The following ZPBP variants were observed in gnomAD, a reference collection of about 807,000 sequenced individuals.
ZPBP encodes the protein zona pellucida-binding protein 1.
ZPBP carries 26 observed loss-of-function variants against 44.8 expected under a neutral mutation model. The observed-to-expected ratio is 0.58, with a 90% CI of 0.43 to 0.81. The LOEUF (loss-of-function observed/expected upper bound fraction) is 0.81. ZPBP is among the 30% of genes least tolerant of loss of function. The probability of loss-of-function intolerance (pLI) is 0.00; values close to 1 mark genes in which losing one functional copy is unlikely to be tolerated. For synonymous variants in ZPBP, 174 were observed against 153.2 expected, an observed-to-expected ratio of 1.14 and a Z score of -1.00; for missense variants, 409 against 434.0, an observed-to-expected ratio of 0.94 and a Z score of 0.51.
intron 6 of ZPBP, among the ~76,000 whole-genome samples, chr7:50,007,807 T>G (rs1056165750): frequency 1.3e-5 from 2 of 151,976 alleles, no homozygotes; most frequent in African/African-American, 2.4e-5. Flanking sequence ...AGGTATTTTT[T>G]AAAAATTAAT....
At chr7:49,967,514 C>A (rs1194488213) in intron 7 of ZPBP, among the ~76,000 whole-genome samples, 4 of 151,906 alleles carry the variant, frequency 2.6e-5, no homozygotes, top group Non-Finnish European at 5.9e-5. Context: ...GTTAATGCTG[C>A]AATGGGATGA....
At chr7:49,865,541 A>T (rs1164897674) in intron 2 of ZPBP, among the ~76,000 whole-genome samples, 1 of 152,202 alleles carries the variant, frequency 6.6e-6, no homozygotes, top group East Asian at 1.9e-4. Flanking sequence ...CCTTCCCATA[A>T]GCTAACTCAT....
At chr7:49,954,263 C>T (rs954271980) in intron 7 of ZPBP, among the ~76,000 whole-genome samples, 1 of 151,922 alleles carries the variant, frequency 6.6e-6, no homozygotes, top group African/African-American at 2.4e-5. Context: ...GAAGTTGAAC[C>T]CCTACTTCAT....
rs532439192 is a variant in ZPBP at position 49,893,871 on chromosome 7, A to T, written n.509+7247T>A. ...GTAAAGTTTGGAATACTTGGGAATTATCTGTTGTTTAATTTCAGAAAATGG... is the reference window on the plus strand; with the variant it reads ...GTAAAGTTTGGAATACTTGGGAATTTTCTGTTGTTTAATTTCAGAAAATGG... On this transcript the variant is annotated intron_variant and non_coding_transcript_variant, in intron 2 of 2. Transcript: ENST00000465922. Among the ~76,000 whole-genome samples the T allele has an allele frequency of 2.1e-4, 32 of 152,308 alleles. No homozygotes were observed. In the East Asian group the frequency reaches 5.8e-3, roughly 28 times the overall value.
chr7:49,888,906 C>T (rs1360687365), intron 2 of ZPBP, among the ~76,000 whole-genome samples: 1 of 151,418 alleles, frequency 6.6e-6, no homozygotes, highest in Non-Finnish European at 1.5e-5. Context: ...AGCGAGACTT[C>T]ATCTCAAAAA....
intron 5 of ZPBP, among the ~76,000 whole-genome samples, chr7:50,028,658 T>A (rs536841805): frequency 9.2e-4 from 136 of 148,050 alleles, no homozygotes; most frequent in South Asian, 3.4e-3. Context: ...CAATCCATTT[T>A]AAAAAAAAAA....
At chr7:50,082,273 A>G (rs7459268) in intron 2 of ZPBP, among the ~76,000 whole-genome samples, 118,607 of 151,658 alleles carry the variant, frequency 0.78, 46,450 homozygotes, top group East Asian at 0.88. Flanking sequence ...GACACCAAAC[A>G]TGATTAGAGC....
chr7:49,844,393 G>A, the ZPBP span, among the ~76,000 whole-genome samples: 3 of 152,184 alleles, frequency 2.0e-5, no homozygotes, highest in African/African-American at 7.2e-5. Context: ...CTGTCAGAAC[G>A]ATCGGCTTTG....
intron 2 of ZPBP, chr7:49,850,555 G>A (rs17632820): frequency 0.032 from 4,913 of 152,310 alleles, 306 homozygotes; most frequent in Admixed American, 0.16. Context: ...GTGCATGCAT[G>A]AACTCACAAG....
chr7:49,904,718 G>C (rs1792986928), intron 1 of ZPBP, among the ~76,000 whole-genome samples: 1 of 149,982 alleles, frequency 6.7e-6, no homozygotes, highest in African/African-American at 2.5e-5. Context: ...GGAAAAAATA[G>C]CAACATAGCA....
At chr7:49,874,218 C>T (rs1678972314) in intron 2 of ZPBP, among the ~76,000 whole-genome samples, 1 of 152,184 alleles carries the variant, frequency 6.6e-6, no homozygotes, top group African/African-American at 2.4e-5. Flanking sequence ...CTCATAACCA[C>T]ATTTCGGTCA....
chr7:49,875,146 C>G (rs1472018879), intron 2 of ZPBP, among the ~76,000 whole-genome samples: 4 of 150,964 alleles, frequency 2.6e-5, no homozygotes, highest in Non-Finnish European at 5.9e-5. Flanking sequence ...CCGAGGCAGG[C>G]AGATCACAAG....
Position 50,060,704 on chromosome 7 carries a change from C to T in ZPBP, c.335-2563G>A, listed in dbSNP as rs114304941. Among the ~76,000 whole-genome samples, 892 of 152,200 alleles carry T rather than the reference C, an allele frequency of 5.9e-3. 6 individuals are homozygous for T. Among genetic ancestry groups the T allele is most frequent in the African/African-American group, 0.02 (831 of 41,522 alleles). On this transcript the variant is annotated intron_variant, in intron 3 of 7. Transcript: ENST00000046087. ...CAACAACAAAAAGCCCTGGACTAGA[C>T]AGATTCACAGCCAAATTCTACCTGA...
At chr7:50,020,051 A>T (rs1055970496) in intron 5 of ZPBP, among the ~76,000 whole-genome samples, 4 of 151,600 alleles carry the variant, frequency 2.6e-5, no homozygotes, top group African/African-American at 9.7e-5. Flanking sequence ...CTGTCTCAAA[A>T]AAAAAAAAAA....
At chr7:50,047,785 T>TC (rs1318185394) in intron 4 of ZPBP, among the ~76,000 whole-genome samples, 7 of 151,616 alleles carry the variant, frequency 4.6e-5, no homozygotes, top group East Asian at 1.9e-4. Context: ...CTAAACCAAG[T>TC]CCCCCACAGC....
Position 49,866,511 on chromosome 7 carries a change from G to A in ZPBP, n.510-15997C>T, listed in dbSNP as rs113318963. On this transcript the variant is annotated intron_variant and non_coding_transcript_variant, in intron 2 of 2. Transcript: ENST00000465922. The stretch of plus-strand genomic sequence containing the variant: ...CTTGCATTACATTTGCTAAGGGTTC[G>A]TTAGTCAAAGCAGGTCACACGGGCA... 1.9e-3 allele frequency among the ~76,000 whole-genome samples: 295 copies of A among 152,282 alleles called. 3 individuals carry two copies. Among genetic ancestry groups the A allele is most frequent in the African/African-American group, 6.2e-3 (258 of 41,572 alleles).
At chr7:49,931,386 A>G (rs1794437415) in intron 1 of ZPBP, among the ~76,000 whole-genome samples, 1 of 152,168 alleles carries the variant, frequency 6.6e-6, no homozygotes, top group African/African-American at 2.4e-5. Context: ...TTTTGCCCAA[A>G]ATTCTGATAG....
intron 4 of ZPBP, among the ~76,000 whole-genome samples, chr7:50,049,339 C>G (rs1487776434): frequency 6.6e-6 from 1 of 151,748 alleles, no homozygotes; most frequent in Non-Finnish European, 1.5e-5. Context: ...ACCCTGATAC[C>G]TAAACCAAAG....
At chr7:49,908,633 T>C (rs1793234887) in intron 1 of ZPBP, among the ~76,000 whole-genome samples, 1 of 152,112 alleles carries the variant, frequency 6.6e-6, no homozygotes, top group African/African-American at 2.4e-5. Flanking sequence ...CCAGTCAGTA[T>C]ACTACACGTG....
Sources: allele counts gnomAD v4.1 joint callset (sites outside exome capture counted in the v4.1 genomes callset), GRCh38; gene constraint gnomAD v4.1.1; transcripts MANE v1.5; gene names NCBI Gene and HGNC (gene_info 2026-07-23, HGNC 2026-07-21).